The following ZC3H12B variants were observed in gnomAD, a reference collection of about 807,000 sequenced individuals.
ZC3H12B encodes the protein probable ribonuclease ZC3H12B.
ZC3H12B carries 7 observed loss-of-function variants against 43.9 expected under a neutral mutation model. The observed-to-expected ratio is 0.16, with a 90% CI of 0.09 to 0.30. The LOEUF (loss-of-function observed/expected upper bound fraction) is 0.30. Ranked by LOEUF, ZC3H12B falls within the 10% of genes least tolerant of loss-of-function variation. ZC3H12B has a pLI of 1.00. For missense variants in ZC3H12B, 475 were observed against 670.2 expected, an observed-to-expected ratio of 0.71 and a Z score of 3.22; for synonymous variants, 222 against 241.7, an observed-to-expected ratio of 0.92 and a Z score of 0.76.
the ZC3H12B span, among the ~76,000 whole-genome samples, chrX:65,252,913 A>G: frequency 1.8e-5 from 2 of 111,904 alleles, no homozygotes; most frequent in East Asian, 2.8e-4. Flanking sequence ...ATTAGACCTT[A>G]TTTGCTTTGC....
chrX:65,270,124 T>G, the ZC3H12B span, among the ~76,000 whole-genome samples: 1 of 111,618 alleles, frequency 9.0e-6, no homozygotes, highest in African/African-American at 3.3e-5. Flanking sequence ...ATTTCTGATT[T>G]AAAATTATAT....
At chrX:65,263,288 A>G in the ZC3H12B span, among the ~76,000 whole-genome samples, 2 of 111,129 alleles carry the variant, frequency 1.8e-5, no homozygotes, top group Non-Finnish European at 3.8e-5. Context: ...TAGGGCTTTG[A>G]TAGGTATCTT....
intron 2 of ZC3H12B, among the ~76,000 whole-genome samples, chrX:65,391,901 G>A (rs1165787117): frequency 1.8e-5 from 2 of 111,191 alleles, no homozygotes; most frequent in African/African-American, 6.5e-5. Context: ...AAGTGCCTGG[G>A]ATTGCAGGTG....
chrX:65,193,528 T>C, the ZC3H12B span, among the ~76,000 whole-genome samples: 1 of 111,943 alleles, frequency 8.9e-6, no homozygotes, highest in Non-Finnish European at 1.9e-5. Context: ...TTTCTCTCTT[T>C]TTTCTTATTC....
chrX:65,071,256 T>C, the ZC3H12B span, among the ~76,000 whole-genome samples: 1 of 109,496 alleles, frequency 9.1e-6, no homozygotes, highest in East Asian at 2.8e-4. Context: ...CTGTTTTCTC[T>C]GAAATTAGAA....
At chrX:65,209,663 G>A in the ZC3H12B span, among the ~76,000 whole-genome samples, 1 of 110,228 alleles carries the variant, frequency 9.1e-6, no homozygotes, top group Non-Finnish European at 1.9e-5. Flanking sequence ...CTGTTGATTT[G>A]GGGTGGAGAG....
At chrX:65,095,545 G>A in the ZC3H12B span, among the ~76,000 whole-genome samples, 1 of 111,382 alleles carries the variant, frequency 9.0e-6, no homozygotes, top group Admixed American at 9.6e-5. Context: ...ACTGGGTGAG[G>A]AAAACCTGAA....
the ZC3H12B span, among the ~76,000 whole-genome samples, chrX:65,227,795 A>G: frequency 9.0e-6 from 1 of 111,424 alleles, no homozygotes. Flanking sequence ...GAAATGGATA[A>G]ATTCCTCGAC....
the ZC3H12B span, among the ~76,000 whole-genome samples, chrX:65,164,973 A>C: frequency 8.9e-6 from 1 of 112,147 alleles, no homozygotes; most frequent in Non-Finnish European, 1.9e-5. Flanking sequence ...GGCATTATAC[A>C]GTTTAGTTGG....
intron 3 of ZC3H12B, among the ~76,000 whole-genome samples, chrX:65,483,333 C>T (rs750468245): frequency 9.0e-6 from 1 of 111,650 alleles, no homozygotes; most frequent in Non-Finnish European, 1.9e-5. Context: ...CAATCTTTAC[C>T]TCCTTTATGA....
chrX:65,134,120 G>A, the ZC3H12B span, among the ~76,000 whole-genome samples: 1 of 110,851 alleles, frequency 9.0e-6, no homozygotes, highest in African/African-American at 3.3e-5. Flanking sequence ...GGAGAAGAAG[G>A]GGGAATGGAG....
At chrX:65,207,337 C>T in the ZC3H12B span, among the ~76,000 whole-genome samples, 1 of 109,359 alleles carries the variant, frequency 9.1e-6, no homozygotes, top group Non-Finnish European at 1.9e-5. Flanking sequence ...TTTGAAGCCA[C>T]CCGGATGGAA....
the ZC3H12B span, among the ~76,000 whole-genome samples, chrX:65,247,249 G>A: frequency 8.9e-6 from 1 of 112,300 alleles, no homozygotes; most frequent in South Asian, 3.7e-4. Flanking sequence ...AGAGGCTGGT[G>A]AGGTTGTGGA....
intron 3 of ZC3H12B, among the ~76,000 whole-genome samples, chrX:65,461,604 A>G (rs757070998): frequency 8.9e-6 from 1 of 112,002 alleles, no homozygotes; most frequent in East Asian, 2.8e-4. Context: ...TCACAAGGAC[A>G]AAAAACCAAA....
the ZC3H12B span, among the ~76,000 whole-genome samples, chrX:65,215,038 G>T: frequency 9.0e-6 from 1 of 111,098 alleles, no homozygotes. Flanking sequence ...TTTCTAATGA[G>T]TAGGTCCCAA....
At chrX:65,342,054 A>G in the ZC3H12B span, among the ~76,000 whole-genome samples, 2 of 111,253 alleles carry the variant, frequency 1.8e-5, no homozygotes, top group African/African-American at 3.3e-5. Flanking sequence ...GGCTAAAAAT[A>G]AAGGTATAGA....
At chrX:65,506,021 G>T (rs1321844629) in exon 5 of ZC3H12B, 1 of 112,037 alleles carries the variant, frequency 8.9e-6, no homozygotes, top group Non-Finnish European at 1.9e-5. Flanking sequence ...AAACTCATCT[G>T]AAGCTAGGTT....
chrX:65,082,291 A>T, the ZC3H12B span, among the ~76,000 whole-genome samples: 2 of 111,959 alleles, frequency 1.8e-5, no homozygotes, highest in East Asian at 5.6e-4. Context: ...AATGAATAAA[A>T]TTGAAATGAA....
At chrX:65,125,167 T>C in the ZC3H12B span, among the ~76,000 whole-genome samples, 1 of 111,252 alleles carries the variant, frequency 9.0e-6, no homozygotes, top group Non-Finnish European at 1.9e-5. Flanking sequence ...AACCCAGAGG[T>C]TTTGGTAAGT....
Sources: gnomAD v4.1 joint callset for allele counts (sites outside exome capture counted in the v4.1 genomes callset) on GRCh38, gnomAD v4.1.1 for gene constraint, MANE v1.5 for transcripts, NCBI Gene and HGNC (gene_info 2026-07-23, HGNC 2026-07-21) for gene names.